CADPS2: variants seen among roughly 807,000 people sequenced by gnomAD.
CADPS2 encodes the protein calcium dependent secretion activator 2.
A neutral mutation model predicts 172.5 loss-of-function variants in CADPS2; 93 were observed. The observed-to-expected ratio is 0.54, with a 90% confidence interval of 0.46 to 0.64. The LOEUF is 0.64. Among genes scored for constraint, CADPS2 ranks in the 30% least tolerant of loss-of-function variants. CADPS2 has a pLI of 0.00. For synonymous variants in CADPS2, 546 were observed against 555.2 expected (o/e 0.98, Z 0.23); for missense variants, 1,420 against 1,565.9 (o/e 0.91, Z 1.57).
Position 122,318,645 on chromosome 7 carries a change from G to A in CADPS2, c.*1520C>T, listed in dbSNP as rs2031788109. On this transcript the variant is annotated 3_prime_UTR_variant, in exon 30 of 30. Transcript: ENST00000449022. ...CCAAACTGCCTTTCAAAGATAGTGA[G>A]TTGGTAGAGTTAGTCTTTAATCCCG... The A allele has an allele frequency of 6.6e-6, 1 of 152,212 alleles. No individual in the cohort carries two copies. The highest frequency in any genetic ancestry group is 2.1e-4 in the South Asian group (1 of 4,832). 9.4% of individuals were successfully genotyped at this position (152,212 alleles called of 1,614,324 possible).
chr7:122,476,980 G>C (rs967707894), intron 12 of CADPS2, among the ~76,000 whole-genome samples: 8 of 132,102 alleles, frequency 6.1e-5, no homozygotes, highest in Admixed American at 4.0e-4. Flanking sequence ...TGGCGGGAAG[G>C]GGGGCGGGAG....
intron 19 of CADPS2, among the ~76,000 whole-genome samples, chr7:122,408,559 G>A (rs2046943125): frequency 6.6e-6 from 1 of 152,006 alleles, no homozygotes; most frequent in Admixed American, 6.6e-5. Context: ...CAAGTAGCTG[G>A]GACCACAGAT....
intron 6 of CADPS2, among the ~76,000 whole-genome samples, chr7:122,600,805 G>C (rs1477085702): frequency 6.6e-6 from 1 of 152,030 alleles, no homozygotes; most frequent in Non-Finnish European, 1.5e-5. Context: ...TGGTTCAGTG[G>C]CCTTCACCCA....
In CADPS2 at chr7:122,727,836, C is replaced by G. The variant is rs146375186; in HGVS notation, c.453+9119G>C. 3.3e-5 allele frequency among the ~76,000 whole-genome samples: 5 copies of G among 151,920 alleles called. No individual in the cohort carries two copies. The East Asian group carries it at 9.7e-4, about 30-fold the overall frequency. The stretch of plus-strand genomic sequence containing the variant: ...TCAACACTTAATTTAAAATGCCATC[C>G]TTAGAATATAAGAAAATATGAAGTG... On this transcript the variant is annotated intron_variant, in intron 2 of 29. Transcript: ENST00000449022.
intron 3 of CADPS2, among the ~76,000 whole-genome samples, chr7:122,651,272 AAAAG>A (rs1324332172): frequency 6.6e-6 from 1 of 151,772 alleles, no homozygotes; most frequent in Non-Finnish European, 1.5e-5. Flanking sequence ...AAAAAAAAAA[AAAAG>A]AAGACAGTGG....
intron 1 of CADPS2, among the ~76,000 whole-genome samples, chr7:122,777,261 G>A (rs972945083): frequency 6.6e-6 from 1 of 152,176 alleles, no homozygotes; most frequent in Non-Finnish European, 1.5e-5. Flanking sequence ...TCCAGGGAAG[G>A]GATGGCAGCT....
intron 3 of CADPS2, among the ~76,000 whole-genome samples, chr7:122,661,936 T>C (rs2080588899): frequency 1.3e-5 from 2 of 152,238 alleles, no homozygotes; most frequent in Admixed American, 6.5e-5. Context: ...TTTGGTTTTA[T>C]AGTCTTCTTC....
In CADPS2 at chr7:122,477,016, AG is replaced by A. The variant is rs1563448009; in HGVS notation, c.1862-2500del. 8.3e-3 allele frequency among the ~76,000 whole-genome samples: 869 copies of A among 105,032 alleles called. 36 individuals carry two copies. The highest frequency in any genetic ancestry group is 0.033 in the African/African-American group (830 of 24,974). 68.9% of individuals were successfully genotyped at this position (105,032 alleles called of 152,430 possible). On this transcript the variant is annotated intron_variant, in intron 12 of 29. Coordinates refer to ENST00000449022, the MANE Select transcript of CADPS2 (RefSeq NM_017954.11). ...GGGAGGGGAGAGGAGAGGAGAGGAG[AG>A]GAGAGGAGAGGAGAGGAGAGGAGAG...
chr7:122,365,023 T>C (rs930344271), intron 25 of CADPS2, among the ~76,000 whole-genome samples: 5 of 152,164 alleles, frequency 3.3e-5, no homozygotes, highest in Admixed American at 2.0e-4. Flanking sequence ...ATAGCAGAGA[T>C]AGAGTGGCTA....
intron 2 of CADPS2, chr7:122,703,046 A>T (rs560477257): frequency 8.1e-5 from 24 of 295,470 alleles, no homozygotes; most frequent in African/African-American, 4.8e-4. Flanking sequence ...CCAAGAGTTT[A>T]TATTAGTGCA....
intron 1 of CADPS2, among the ~76,000 whole-genome samples, chr7:122,878,639 C>CAAATAAATAAAT (rs59190953): frequency 1.9e-3 from 269 of 138,994 alleles, no homozygotes; most frequent in Non-Finnish European, 2.4e-3. Flanking sequence ...GACTCTGTCT[C>CAAATAAATAAAT]AAATAAATAA....
intron 2 of CADPS2, chr7:122,681,272 G>A (rs1216606940): frequency 3.6e-6 from 3 of 833,212 alleles, no homozygotes; most frequent in East Asian, 4.9e-5. Context: ...AAAACTTAAA[G>A]TATAATAATA....
chr7:122,836,644 C>A (rs1808531764), intron 1 of CADPS2, among the ~76,000 whole-genome samples: 1 of 152,128 alleles, frequency 6.6e-6, no homozygotes, highest in Admixed American at 6.6e-5. Flanking sequence ...TCTGATAAAA[C>A]AGACTTTAAA....
At chr7:122,393,033 C>T (rs970945331) in intron 22 of CADPS2, among the ~76,000 whole-genome samples, 163 bp downstream of exon 22, 1 of 151,678 alleles carries the variant, frequency 6.6e-6, no homozygotes, top group African/African-American at 2.4e-5. Flanking sequence ...CACAGATATG[C>T]TAAGCTTAGC....
At chr7:122,372,150 A>G (rs915897121) in intron 25 of CADPS2, among the ~76,000 whole-genome samples, 1 of 152,238 alleles carries the variant, frequency 6.6e-6, no homozygotes, top group African/African-American at 2.4e-5. Context: ...AGCTTGTTTA[A>G]GTAACTTGAC....
rs111376647 is a variant in CADPS2, at chr7:122,474,220, T to G, written c.1998+161A>C. Reference sequence around the variant, plus strand: ...CAAATTGGGAAGCAATCAACTGGAATCCTTTATCCCTCACTCCCACTACCC... The same window carrying G: ...CAAATTGGGAAGCAATCAACTGGAAGCCTTTATCCCTCACTCCCACTACCC... On this transcript the variant is annotated intron_variant, in intron 13 of 29. Coordinates refer to ENST00000449022, the MANE Select transcript of CADPS2 (RefSeq NM_017954.11). Among the ~76,000 whole-genome samples the G allele has an allele frequency of 4.9e-3, 745 of 152,262 alleles. 6 individuals carry two copies. Among genetic ancestry groups the G allele is most frequent in the African/African-American group, 0.017 (687 of 41,568 alleles).
intron 9 of CADPS2, among the ~76,000 whole-genome samples, chr7:122,510,106 C>T (rs2059908923): frequency 6.6e-6 from 1 of 151,998 alleles, no homozygotes; most frequent in African/African-American, 2.4e-5. Context: ...ATCTTAAGTA[C>T]TTTACACCAA....
At chr7:122,392,166 C>G (rs1011717167) in intron 22 of CADPS2, among the ~76,000 whole-genome samples, 1 of 151,970 alleles carries the variant, frequency 6.6e-6, no homozygotes, top group African/African-American at 2.4e-5. Flanking sequence ...GGTAACTGCC[C>G]GAGTTTTCCC....
At chr7:122,601,938 T>C (rs1161707766) in intron 6 of CADPS2, among the ~76,000 whole-genome samples, 1 of 152,040 alleles carries the variant, frequency 6.6e-6, no homozygotes, top group Non-Finnish European at 1.5e-5. Flanking sequence ...GAAATTATGA[T>C]TTTAAAAAAC....
Sources: gnomAD v4.1 joint callset for allele counts (sites outside exome capture counted in the v4.1 genomes callset) on GRCh38, gnomAD v4.1.1 for gene constraint, MANE v1.5 for transcripts, NCBI Gene and HGNC (gene_info 2026-07-23, HGNC 2026-07-21) for gene names.